The following MDGA2 variants were observed in gnomAD, a reference collection of about 807,000 sequenced individuals.
MDGA2 encodes MAM domain containing glycosylphosphatidylinositol anchor 2.
A neutral mutation model predicts 117.8 loss-of-function variants in MDGA2; 40 were observed. The observed-to-expected ratio is 0.34, with a 90% CI of 0.26 to 0.44. The LOEUF is 0.44. MDGA2 is among the 20% of genes least tolerant of loss of function. The pLI, the probability that MDGA2 is intolerant of heterozygous loss-of-function variation, is 1.00. For missense variants in MDGA2, 1,123 were observed against 1,250.6 expected (o/e 0.90, Z 1.54); for synonymous variants, 452 against 439.0 (o/e 1.03, Z -0.37).
At chr14:47,501,023 G>A (rs955130985) in intron 1 of MDGA2, among the ~76,000 whole-genome samples, 1 of 152,028 alleles carries the variant, frequency 6.6e-6, no homozygotes, top group Non-Finnish European at 1.5e-5. Flanking sequence ...AAAAATAAGG[G>A]TAACCATCCC....
At chr14:46,978,439 G>A (rs1369444575) in intron 8 of MDGA2, among the ~76,000 whole-genome samples, 1 of 152,026 alleles carries the variant, frequency 6.6e-6, no homozygotes, top group South Asian at 2.1e-4. Context: ...AATTTAGACA[G>A]TAATGTGTTT....
At chr14:46,974,004 G>A (rs1307138651) in intron 8 of MDGA2, among the ~76,000 whole-genome samples, 11 of 151,096 alleles carry the variant, frequency 7.3e-5, no homozygotes, top group Admixed American at 7.2e-4. Flanking sequence ...CTCCCAAAAC[G>A]CTGGAATGAC....
intron 1 of MDGA2, among the ~76,000 whole-genome samples, chr14:47,614,182 T>C (rs1238696480): frequency 6.7e-6 from 1 of 149,456 alleles, no homozygotes; most frequent in East Asian, 2.0e-4. Context: ...CTCTGCCTCC[T>C]GGGTTCAGAT....
At chr14:46,917,412 T>G (rs968815052) in intron 10 of MDGA2, among the ~76,000 whole-genome samples, 3 of 152,154 alleles carry the variant, frequency 2.0e-5, no homozygotes, top group Non-Finnish European at 4.4e-5. Context: ...GGGGACATAA[T>G]CCACTTCATA....
chr14:47,260,622 A>C (rs898934265), intron 2 of MDGA2, among the ~76,000 whole-genome samples: 3 of 152,132 alleles, frequency 2.0e-5, no homozygotes, highest in Non-Finnish European at 4.4e-5. Context: ...CATAGACAAC[A>C]ACCACAGTGA....
intron 10 of MDGA2, among the ~76,000 whole-genome samples, chr14:46,896,810 C>T (rs1318178577): frequency 6.6e-6 from 1 of 152,020 alleles, no homozygotes; most frequent in African/African-American, 2.4e-5. Context: ...ACAAGAAATG[C>T]TACTTGCTAA....
intron 1 of MDGA2, among the ~76,000 whole-genome samples, chr14:47,570,885 A>G (rs1395455880): frequency 6.6e-6 from 1 of 152,228 alleles, no homozygotes; most frequent in African/African-American, 2.4e-5. Flanking sequence ...CAATGGGAAC[A>G]AAAGTCAAAA....
At chr14:47,654,830 A>G (rs1897713505) in intron 1 of MDGA2, among the ~76,000 whole-genome samples, 3 of 152,240 alleles carry the variant, frequency 2.0e-5, no homozygotes, top group South Asian at 2.1e-4. Flanking sequence ...GATTTAGCCA[A>G]TAAGTACTGG....
intron 1 of MDGA2, among the ~76,000 whole-genome samples, chr14:47,383,336 A>G (rs1891678692): frequency 6.6e-6 from 1 of 152,160 alleles, no homozygotes; most frequent in Admixed American, 6.6e-5. Context: ...CCTAGAACTT[A>G]AAGTACAATT....
intron 8 of MDGA2, among the ~76,000 whole-genome samples, chr14:47,031,807 C>T (rs979050774): frequency 2.6e-5 from 4 of 152,082 alleles, no homozygotes; most frequent in African/African-American, 9.7e-5. Flanking sequence ...CCCAGGTTGC[C>T]CTCTTGCCCC....
At chr14:47,136,539 C>T (rs1882467179) in intron 4 of MDGA2, among the ~76,000 whole-genome samples, 2 of 152,136 alleles carry the variant, frequency 1.3e-5, no homozygotes, top group South Asian at 4.1e-4. Flanking sequence ...ACTTCTGATC[C>T]ATCCTCTAAA....
chr14:46,996,961 G>T, intron 8 of MDGA2: 1 of 404,160 alleles, frequency 2.5e-6, no homozygotes, highest in South Asian at 2.2e-5. Context: ...GAACTTTGGT[G>T]GGAATAGCTT....
At chr14:47,386,559 G>A (rs895426920) in intron 1 of MDGA2, among the ~76,000 whole-genome samples, 1 of 152,142 alleles carries the variant, frequency 6.6e-6, no homozygotes, top group Non-Finnish European at 1.5e-5. Context: ...TATAAAATGT[G>A]AGCCCTGCTG....
chr14:47,222,736 G>A (rs1026865775), intron 2 of MDGA2, among the ~76,000 whole-genome samples: 2 of 152,250 alleles, frequency 1.3e-5, no homozygotes, highest in East Asian at 3.9e-4. Flanking sequence ...GGTAGGACAG[G>A]CATGCTATTG....
chr14:47,064,029 C>T (rs977183597), intron 6 of MDGA2, among the ~76,000 whole-genome samples: 3 of 151,718 alleles, frequency 2.0e-5, no homozygotes, highest in Admixed American at 2.0e-4. Flanking sequence ...AATATGAAAT[C>T]AGTATCTGTA....
intron 8 of MDGA2, among the ~76,000 whole-genome samples, chr14:47,013,721 G>A (rs1200276592): frequency 6.9e-6 from 1 of 144,226 alleles, no homozygotes; most frequent in Non-Finnish European, 1.5e-5. Flanking sequence ...CTGGATTCAT[G>A]GGCTGCGGAA....
intron 9 of MDGA2, among the ~76,000 whole-genome samples, chr14:46,921,375 G>A (rs1034380850): frequency 7.3e-5 from 11 of 151,640 alleles, no homozygotes; most frequent in Admixed American, 2.6e-4. Flanking sequence ...AGAGGTGCTC[G>A]GATCTCTTGA....
chr14:47,035,231 T>C lies in MDGA2; in HGVS notation c.1599A>G (p.Gln533=), dbSNP rs1291222560. ...GTTTAGGTTTGCCAGTTACTTGACA[T>C]TGCAGTTCTATTGTGTCTCCTTCTC... The part of the protein sequence containing the change: ...VTREGDTIEL[Q]CQVTGKPKPI... The change falls in exon 8 of 17, where the codon CAA becomes CAG. Residue 533 remains glutamine, a synonymous_variant. Transcript: ENST00000399232. 1.9e-6 allele frequency: 3 copies of C among 1,614,150 alleles called. No homozygotes were observed. In the East Asian group the frequency reaches 6.7e-5, roughly 36 times the overall value.
chr14:46,985,822 AAAGAATGTT>A (rs1167742883), intron 8 of MDGA2, among the ~76,000 whole-genome samples: 1 of 152,108 alleles, frequency 6.6e-6, no homozygotes, highest in East Asian at 1.9e-4. Flanking sequence ...AATCAAGTGA[AAAGAATGTT>A]AAGAATCACA....
Sources: gnomAD v4.1 joint callset for allele counts (sites outside exome capture counted in the v4.1 genomes callset) on GRCh38, gnomAD v4.1.1 for gene constraint, MANE v1.5 for transcripts, NCBI Gene and HGNC (gene_info 2026-07-23, HGNC 2026-07-21) for gene names.